Variants in SEC14L1 observed in about 807,000 individuals in gnomAD.
SEC14L1 encodes the protein SEC14-like protein 1.
SEC14L1 carries 48 observed loss-of-function variants against 85.3 expected under a neutral mutation model. The ratio of observed to expected loss-of-function variants is 0.56; its 90% CI spans 0.45 to 0.72. The LOEUF is 0.72. SEC14L1 is among the 30% of genes least tolerant of loss of function. The pLI is 0.00. For missense variants in SEC14L1, 682 were observed against 921.4 expected (o/e 0.74, Z 3.36); for synonymous variants, 391 against 355.5 (o/e 1.10, Z -1.12).
chr17:77,112,281 CG>C (rs1163947863), intron 3 of SEC14L1, among the ~76,000 whole-genome samples: 3 of 152,100 alleles, frequency 2.0e-5, no homozygotes, highest in Non-Finnish European at 2.9e-5. Flanking sequence ...TAGCCAGTCT[CG>C]GGTCTCTCTT....
intron 3 of SEC14L1, among the ~76,000 whole-genome samples, chr17:77,121,807 C>G (rs117694402): frequency 0.013 from 1,962 of 152,322 alleles, 40 homozygotes; most frequent in Admixed American, 0.043. Flanking sequence ...CCTTTGTGCT[C>G]AAAGCCTAGG....
chr17:77,216,589 C>G lies in SEC14L1; in HGVS notation c.*2566C>G. On this transcript the variant is annotated 3_prime_UTR_variant, in exon 17 of 17. Transcript: ENST00000436233. ...ACAGCTGCCAAGAAAATGCTTCACTCAACAGTCCTCATGTGCCCAGAGATG... is the reference window on the plus strand; with the variant it reads ...ACAGCTGCCAAGAAAATGCTTCACTGAACAGTCCTCATGTGCCCAGAGATG... The G allele has an allele frequency of 6.2e-7, 1 of 1,613,368 alleles. No individual in the cohort carries two copies. The highest frequency in any genetic ancestry group is 8.5e-7 in the Non-Finnish European group (1 of 1,179,480).
At chr17:77,199,899 T>C (rs1976037424) in intron 8 of SEC14L1, among the ~76,000 whole-genome samples, 1 of 152,208 alleles carries the variant, frequency 6.6e-6, no homozygotes, top group Non-Finnish European at 1.5e-5. Flanking sequence ...CCAGACATGG[T>C]GGCTCATGCC....
At chr17:77,094,123 A>G (rs1007783706) in intron 3 of SEC14L1, 1 of 152,080 alleles carries the variant, frequency 6.6e-6, no homozygotes, top group African/African-American at 2.4e-5. Flanking sequence ...GGCTCACTGC[A>G]TCCTCCGCCT....
At chr17:77,154,025 A>G (rs1337203743) in intron 3 of SEC14L1, among the ~76,000 whole-genome samples, 2 of 152,232 alleles carry the variant, frequency 1.3e-5, no homozygotes, top group Non-Finnish European at 2.9e-5. Context: ...TTCTGCACCC[A>G]CAGATACAAC....
chr17:77,176,006 G>A (rs117271213), intron 3 of SEC14L1, among the ~76,000 whole-genome samples: 2,234 of 152,230 alleles, frequency 0.015, 50 homozygotes, highest in Admixed American at 0.041. Context: ...AACCAATTAG[G>A]AGACTGGACA....
chr17:77,120,797 T>C (rs946866512), intron 3 of SEC14L1, among the ~76,000 whole-genome samples: 11 of 152,146 alleles, frequency 7.2e-5, no homozygotes, highest in Non-Finnish European at 5.9e-5. Flanking sequence ...ATATTCTGAT[T>C]GTAAGCATCA....
intron 3 of SEC14L1, among the ~76,000 whole-genome samples, chr17:77,113,063 G>A (rs1972082836): frequency 2.6e-5 from 4 of 152,046 alleles, no homozygotes; most frequent in Admixed American, 2.6e-4. Context: ...GGAGGCTGAG[G>A]TAGGAGGATC....
intron 3 of SEC14L1, among the ~76,000 whole-genome samples, chr17:77,173,833 G>C (rs1974630070): frequency 1.3e-5 from 2 of 152,108 alleles, no homozygotes; most frequent in Non-Finnish European, 2.9e-5. Flanking sequence ...TCGCATCCTG[G>C]AGAAGGTGTT....
At chr17:77,163,596 CT>C (rs1286036378) in intron 3 of SEC14L1, among the ~76,000 whole-genome samples, 1 of 152,186 alleles carries the variant, frequency 6.6e-6, no homozygotes, top group Non-Finnish European at 1.5e-5. Flanking sequence ...GTCCCTCAGA[CT>C]TTTCTGAGCC....
intron 3 of SEC14L1, among the ~76,000 whole-genome samples, chr17:77,109,820 A>C (rs1019379813): frequency 6.6e-6 from 1 of 152,252 alleles, no homozygotes; most frequent in African/African-American, 2.4e-5. Flanking sequence ...CAGCCACTAG[A>C]GTCCCCAGCC....
Position 77,194,784 on chromosome 17 carries a change from A to G in SEC14L1, c.582A>G (p.Ser194=), listed in dbSNP as rs749748731. The G allele has an allele frequency of 1.2e-6, 2 of 1,614,144 alleles. No homozygotes were observed. The highest frequency in any genetic ancestry group is 8.5e-7 in the Non-Finnish European group (1 of 1,179,988). ...PSITTSSETS[S]SSSKKQAASM... ...TCACGACCTCTTCAGAGACATCTTC[A>G]TCATCCTCCAAGAAACAAGCAGCGT... Residue 194 remains serine (S), a synonymous_variant, in exon 7 of 17, where the codon TCA becomes TCG. Coordinates refer to ENST00000436233, the MANE Select transcript of SEC14L1 (RefSeq NM_001143998.2).
chr17:77,182,992 C>G (rs1975104561), intron 3 of SEC14L1, among the ~76,000 whole-genome samples: 1 of 152,366 alleles, frequency 6.6e-6, no homozygotes, highest in South Asian at 2.1e-4. Flanking sequence ...GTGCTGCGCA[C>G]CAGGCCTGCC....
At chr17:77,180,533 C>G (rs1272397933) in intron 3 of SEC14L1, among the ~76,000 whole-genome samples, 1 of 152,230 alleles carries the variant, frequency 6.6e-6, no homozygotes, top group South Asian at 2.1e-4. Flanking sequence ...ATCCTCCCAC[C>G]TCAGCCTTAT....
chr17:77,163,795 C>G (rs868255560), intron 3 of SEC14L1, among the ~76,000 whole-genome samples: 1 of 152,252 alleles, frequency 6.6e-6, no homozygotes, highest in Non-Finnish European at 1.5e-5. Flanking sequence ...TCGCACATAC[C>G]GAAGAGCACC....
At chr17:77,088,791 T>A (rs1971433399) in exon 1 of SEC14L1, 1 of 152,286 alleles carries the variant, frequency 6.6e-6, no homozygotes, top group African/African-American at 2.4e-5. Context: ...CTGACCACAG[T>A]TCCGCCGCCA....
intron 15 of SEC14L1, among the ~76,000 whole-genome samples, chr17:77,212,507 T>G (rs1976811901): frequency 6.6e-6 from 1 of 152,192 alleles, no homozygotes; most frequent in African/African-American, 2.4e-5. Flanking sequence ...CCGCCTCATT[T>G]CACCGGGTTG....
intron 3 of SEC14L1, among the ~76,000 whole-genome samples, chr17:77,133,938 C>CAAA (rs539944837): frequency 4.8e-4 from 45 of 93,668 alleles, no homozygotes; most frequent in East Asian, 1.4e-3. Flanking sequence ...GACTCCATCT[C>CAAA]AAAAAAAAAA....
At chr17:77,182,695 A>G (rs1975090911) in intron 3 of SEC14L1, among the ~76,000 whole-genome samples, 2 of 152,188 alleles carry the variant, frequency 1.3e-5, no homozygotes, top group African/African-American at 4.8e-5. Context: ...GCTGGATGAC[A>G]CTGTGGATAC....
Sources: allele counts gnomAD v4.1 joint callset (sites outside exome capture counted in the v4.1 genomes callset), GRCh38; gene constraint gnomAD v4.1.1; transcripts MANE v1.5; gene names NCBI Gene and HGNC (gene_info 2026-07-23, HGNC 2026-07-21).